The following CTNNA3 variants were observed in gnomAD, a reference collection of about 807,000 sequenced individuals.
CTNNA3 encodes catenin alpha-3.
A neutral mutation model predicts 95.7 loss-of-function variants in CTNNA3; 76 were observed. The observed-to-expected ratio is 0.79, with a 90% CI of 0.66 to 0.96. The LOEUF is 0.96. CTNNA3 is among the 40% of genes least tolerant of loss of function. The probability of loss-of-function intolerance (pLI) is 0.00; values close to 1 mark genes in which losing one functional copy is unlikely to be tolerated. For missense variants in CTNNA3, 1,191 were observed against 1,089.8 expected (o/e 1.09, Z -1.31); for synonymous variants, 431 against 374.4 (o/e 1.15, Z -1.74).
At chr10:67,180,195 C>T (rs986517302) in intron 7 of CTNNA3, 122 bp downstream of exon 7, 5 of 838,430 alleles carry the variant, frequency 6.0e-6, no homozygotes, top group Non-Finnish European at 5.7e-6. Flanking sequence ...AGAAAATCAA[C>T]CTATGTAAAA....
At chr10:67,221,478 ATGG>A (rs1226016182) in intron 5 of CTNNA3, among the ~76,000 whole-genome samples, 1 of 152,238 alleles carries the variant, frequency 6.6e-6, no homozygotes, top group Non-Finnish European at 1.5e-5. Context: ...GCAGAGCTAG[ATGG>A]TGGTATTTCT....
intron 7 of CTNNA3, among the ~76,000 whole-genome samples, chr10:66,851,542 C>T (rs571280278): frequency 2.2e-4 from 33 of 151,974 alleles, no homozygotes; most frequent in African/African-American, 6.5e-4. Flanking sequence ...TAGCACCATC[C>T]GCGTGGTGCT....
intron 2 of CTNNA3, among the ~76,000 whole-genome samples, chr10:67,618,310 C>T (rs758353728): frequency 1.3e-5 from 2 of 152,144 alleles, no homozygotes; most frequent in African/African-American, 2.4e-5. Context: ...TCCCTTGGTC[C>T]GTCCAGCCCC....
At chr10:66,060,561 C>A (rs1052876070) in intron 15 of CTNNA3, among the ~76,000 whole-genome samples, 1 of 151,900 alleles carries the variant, frequency 6.6e-6, no homozygotes, top group Non-Finnish European at 1.5e-5. Context: ...CATAGCCAAT[C>A]GGAGAAAGTC....
chr10:67,363,777 G>T (rs1843092065), intron 5 of CTNNA3, among the ~76,000 whole-genome samples: 2 of 152,146 alleles, frequency 1.3e-5, no homozygotes, highest in Non-Finnish European at 2.9e-5. Context: ...AAACCAGGAA[G>T]AAGTTGAATC....
chr10:66,005,310 A>G (rs2078857289), intron 15 of CTNNA3, among the ~76,000 whole-genome samples: 1 of 152,214 alleles, frequency 6.6e-6, no homozygotes, highest in South Asian at 2.1e-4. Context: ...ACTACCAAGT[A>G]GTCAGAATCA....
At chr10:66,702,784 C>T (rs1410708219) in intron 9 of CTNNA3, among the ~76,000 whole-genome samples, 2 of 149,362 alleles carry the variant, frequency 1.3e-5, no homozygotes, top group South Asian at 2.1e-4. Flanking sequence ...TCGTCGTTGT[C>T]GTCGTCTCTC....
intron 13 of CTNNA3, among the ~76,000 whole-genome samples, chr10:66,122,853 C>A (rs564460713): frequency 5.5e-4 from 84 of 152,302 alleles, no homozygotes; most frequent in Non-Finnish European, 1.1e-3. Context: ...TTGTGAGACT[C>A]ATTTACTATC....
intron 7 of CTNNA3, among the ~76,000 whole-genome samples, chr10:67,000,793 A>T (rs1851639837): frequency 6.6e-6 from 1 of 152,128 alleles, no homozygotes; most frequent in South Asian, 2.1e-4. Context: ...CGCATTATGA[A>T]GAGTAGAGAA....
intron 7 of CTNNA3, among the ~76,000 whole-genome samples, chr10:66,942,409 G>T (rs1393043224): frequency 6.6e-6 from 1 of 152,034 alleles, no homozygotes; most frequent in Non-Finnish European, 1.5e-5. Flanking sequence ...TAACAATGTT[G>T]TTCAGCAACA....
chr10:67,211,563 A>T (rs1487067056), intron 6 of CTNNA3, among the ~76,000 whole-genome samples: 1 of 152,198 alleles, frequency 6.6e-6, no homozygotes, highest in African/African-American at 2.4e-5. Context: ...TTTTTCAATA[A>T]ATATGTTTAA....
chr10:67,177,072 C>T (rs1236247571), intron 7 of CTNNA3: 5 of 423,754 alleles, frequency 1.2e-5, no homozygotes, highest in Non-Finnish European at 1.9e-5. Context: ...AACATATATA[C>T]ATATGTATCC....
At chr10:65,937,137 T>C (rs2077353218) in intron 17 of CTNNA3, among the ~76,000 whole-genome samples, 1 of 152,132 alleles carries the variant, frequency 6.6e-6, no homozygotes, top group South Asian at 2.1e-4. Context: ...AGCTCTTAAA[T>C]GTAAACCCCC....
intron 5 of CTNNA3, among the ~76,000 whole-genome samples, chr10:67,468,990 A>T (rs556673187): frequency 6.6e-6 from 1 of 152,338 alleles, no homozygotes; most frequent in South Asian, 2.1e-4. Flanking sequence ...GCTTAAGTTC[A>T]CTGCTTTGAG....
intron 1 of CTNNA3, among the ~76,000 whole-genome samples, chr10:67,651,211 GAC>G (rs953444711): frequency 6.6e-6 from 1 of 151,858 alleles, no homozygotes; most frequent in African/African-American, 2.4e-5. Flanking sequence ...TAAATTCCAT[GAC>G]ACAGTCATCA....
In CTNNA3 at chr10:66,927,614, A is replaced by G. The variant is rs1847148035; in HGVS notation, c.1048-152090T>C. ...TTTCCAAGGTTGGTCAGCCTTCAGA[A>G]CCTTTACTTGCAGTGGAATAAAATC... is the stretch of plus-strand genomic sequence containing the variant. On this transcript the variant is annotated intron_variant, in intron 7 of 17. Transcript: ENST00000433211. The surrounding 1 kb of genome is among the most constrained non-coding windows in gnomAD (Gnocchi z 4.7). The G allele has an allele frequency of 1.2e-6, 2 of 1,614,192 alleles. No homozygotes were observed. Among genetic ancestry groups the G allele is most frequent in the East Asian group, 4.5e-5 (2 of 44,882 alleles).
chr10:66,682,990 A>C (rs1589118444), intron 9 of CTNNA3, among the ~76,000 whole-genome samples: 1 of 152,104 alleles, frequency 6.6e-6, no homozygotes, highest in Non-Finnish European at 1.5e-5. Context: ...TGGCTCAATC[A>C]TTGCCAGATC....
chr10:67,019,286 T>C (rs1347696643), intron 7 of CTNNA3, among the ~76,000 whole-genome samples: 3 of 152,228 alleles, frequency 2.0e-5, no homozygotes, highest in African/African-American at 7.2e-5. Flanking sequence ...TGGCGTTATC[T>C]TGGCTCACCA....
At chr10:67,046,457 T>C (rs1021048231) in intron 7 of CTNNA3, among the ~76,000 whole-genome samples, 1 of 152,104 alleles carries the variant, frequency 6.6e-6, no homozygotes. Flanking sequence ...CTCAATTAAC[T>C]GCAAGCTAAT....
Sources: allele counts gnomAD v4.1 joint callset (sites outside exome capture counted in the v4.1 genomes callset), GRCh38; gene constraint gnomAD v4.1.1; non-coding constraint Gnocchi (gnomAD v3.1); transcripts MANE v1.5; gene names NCBI Gene and HGNC (gene_info 2026-07-23, HGNC 2026-07-21).